Variants in ANK1 observed in about 807,000 individuals in gnomAD.
ANK1 encodes ankyrin 1, also known as ankyrin-1.
Under a neutral mutation model 210.4 loss-of-function variants are expected in ANK1, and 51 were observed. The ratio of observed to expected loss-of-function variants is 0.24; its 90% CI spans 0.19 to 0.31. The LOEUF (loss-of-function observed/expected upper bound fraction) is 0.31, where lower values mean the gene tolerates loss of function less well. Ranked by LOEUF, ANK1 falls within the 10% of genes least tolerant of loss-of-function variation. ANK1 has a pLI of 1.00. For missense variants in ANK1, 2,051 were observed against 2,504.4 expected, an observed-to-expected ratio of 0.82 and a Z score of 3.86; for synonymous variants, 967 against 1,025.9, an observed-to-expected ratio of 0.94 and a Z score of 1.10.
chr8:41,817,626 G>C (rs1302756549), intron 1 of ANK1, among the ~76,000 whole-genome samples: 1 of 152,184 alleles, frequency 6.6e-6, no homozygotes, highest in Non-Finnish European at 1.5e-5. Flanking sequence ...TCTAGAGTTA[G>C]AGCTATTTGT....
Position 41,668,479 on chromosome 8 carries a change from C to T in ANK1, c.5182G>A (p.Gly1728Ser), listed in dbSNP as rs1380169648. 1.2e-6 allele frequency: 2 copies of T among 1,614,218 alleles called. No individual in the cohort carries two copies. The highest frequency in any genetic ancestry group is 1.7e-5 in the Admixed American group (1 of 60,032). The change falls in exon 39 of 43, where the codon GGT (glycine) becomes AGT (serine). Residue 1728 changes from glycine to serine, a missense_variant. Transcript: ENST00000289734. ...CTTGTTCCCTGGAATGAGTGTGGACCTTGCGTGACCTCCTCTTGCCAGGAA... is the reference window on the plus strand; with the variant it reads ...CTTGTTCCCTGGAATGAGTGTGGACTTTGCGTGACCTCCTCTTGCCAGGAA... ...QGSWQEEVTQ[G>S]PHSFQGTSTM...
In ANK1 at chr8:41,792,254, G is replaced by A. The variant is rs79902129; in HGVS notation, c.27+5258C>T. Among the ~76,000 whole-genome samples, 153 of 152,328 alleles carry A rather than the reference G, an allele frequency of 1.0e-3. 2 individuals are homozygous for A. The East Asian group carries it at 0.028, about 28-fold the overall frequency. ...TAATTGGTTGTCACTGCCTGTCGGA[G>A]AATGATGACAAACGCCACACTTGCC... On this transcript the variant is annotated intron_variant, in intron 1 of 42. Transcript: ENST00000289734.
chr8:41,714,989 T>C lies in ANK1; in HGVS notation c.1688A>G (p.Asn563Ser), dbSNP rs1827218783. The change falls in exon 15 of 43, where the codon AAT becomes AGT. Residue 563 changes from asparagine (N) to serine (S), a missense_variant. Physicochemically the swap from Asn to Ser is conservative, Grantham distance 46. Around this residue, in one of 6 missense-constraint regions of ANK1, gnomAD observed 1,413 missense variants for 1,707.4 expected, o/e 0.83. Transcript: ENST00000289734. ...ELLLERDAHP[N>S]AAGKNGLTPL... Reference sequence around the variant, plus strand: ...GTTCAAACTCACTTTTCCGGCAGCATTCGGGTGTGCGTCCCGCTCCAGCAG... The same window carrying C: ...GTTCAAACTCACTTTTCCGGCAGCACTCGGGTGTGCGTCCCGCTCCAGCAG... The C allele has an allele frequency of 6.2e-7, 1 of 1,614,170 alleles. No individual in the cohort carries two copies. The highest frequency in any genetic ancestry group is 8.5e-7 in the Non-Finnish European group (1 of 1,180,012).
chr8:41,889,401 A>C (rs1363626279), intron 1 of ANK1, among the ~76,000 whole-genome samples: 2 of 152,230 alleles, frequency 1.3e-5, no homozygotes, highest in African/African-American at 4.8e-5. Flanking sequence ...TAAAGAAAGA[A>C]GTTTTTTTGC....
At chr8:41,790,810 G>A (rs567474830) in intron 1 of ANK1, among the ~76,000 whole-genome samples, 8 of 152,198 alleles carry the variant, frequency 5.3e-5, no homozygotes, top group Non-Finnish European at 8.8e-5. Context: ...CAAAGACTAC[G>A]AAGACATTCT....
intron 1 of ANK1, among the ~76,000 whole-genome samples, chr8:41,831,855 A>G (rs1806723583): frequency 6.6e-6 from 1 of 152,196 alleles, no homozygotes; most frequent in South Asian, 2.1e-4. Context: ...AGTGCTACTA[A>G]GGAGCGAATA....
chr8:41,668,889 C>T (rs1811393879), intron 38 of ANK1, among the ~76,000 whole-genome samples: 1 of 152,178 alleles, frequency 6.6e-6, no homozygotes, highest in South Asian at 2.1e-4. Context: ...GGGGCCTCCA[C>T]ACTCTCATCC....
chr8:41,850,218 C>T (rs190864674), intron 1 of ANK1, among the ~76,000 whole-genome samples: 117 of 152,254 alleles, frequency 7.7e-4, no homozygotes, highest in Admixed American at 2.0e-3. Context: ...ACAGTGCAGC[C>T]GTCGTTTAGC....
intron 1 of ANK1, among the ~76,000 whole-genome samples, chr8:41,835,159 G>T (rs1345472529): frequency 6.6e-6 from 1 of 152,240 alleles, no homozygotes; most frequent in African/African-American, 2.4e-5. Flanking sequence ...CTTAGCAGAA[G>T]TTAGCAGGTG....
intron 1 of ANK1, among the ~76,000 whole-genome samples, chr8:41,862,749 C>T (rs2150819220): frequency 6.6e-6 from 1 of 151,790 alleles, no homozygotes; most frequent in South Asian, 2.1e-4. Flanking sequence ...GTGGCTCACA[C>T]CTGTAATCCC....
intron 1 of ANK1, among the ~76,000 whole-genome samples, chr8:41,868,649 C>T (rs1048299528): frequency 6.6e-6 from 1 of 152,206 alleles, no homozygotes. Flanking sequence ...TGGTAGGAAT[C>T]TTAAATCATG....
intron 1 of ANK1, among the ~76,000 whole-genome samples, chr8:41,815,602 A>C (rs569916315): frequency 6.6e-6 from 1 of 152,242 alleles, no homozygotes; most frequent in Non-Finnish European, 1.5e-5. Flanking sequence ...TACAAAAAAA[A>C]CCTCATACCT....
intron 37 of ANK1, among the ~76,000 whole-genome samples, chr8:41,682,080 T>G (rs1165968578): frequency 6.6e-6 from 1 of 152,218 alleles, no homozygotes; most frequent in Non-Finnish European, 1.5e-5. Context: ...CTCTGATGGC[T>G]TTCCAGCTTA....
chr8:41,800,135 T>C (rs1849634642), upstream of ANK1, among the ~76,000 whole-genome samples: 1 of 152,202 alleles, frequency 6.6e-6, no homozygotes, highest in Non-Finnish European at 1.5e-5. Context: ...TCCCGGATTA[T>C]GAGAACACCT....
At chr8:41,753,888 T>C (rs1838410468) in intron 2 of ANK1, among the ~76,000 whole-genome samples, 1 of 152,196 alleles carries the variant, frequency 6.6e-6, no homozygotes, top group Admixed American at 6.5e-5. Flanking sequence ...TCTCTGCCTC[T>C]GGGGCTTTGC....
chr8:41,761,627 C>A (rs535908469), intron 1 of ANK1, among the ~76,000 whole-genome samples: 151 of 152,252 alleles, frequency 9.9e-4, no homozygotes, highest in African/African-American at 3.1e-3. Flanking sequence ...AAGTGTGTGG[C>A]GATTTGTTAC....
chr8:41,699,609 A>C, intron 22 of ANK1, 61 bp from the exon 23 acceptor site: 1 of 1,521,498 alleles, frequency 6.6e-7, no homozygotes, highest in Admixed American at 1.7e-5. Context: ...CTCTTTTTTT[A>C]AAAAAGCTCT....
Position 41,723,650 on chromosome 8 carries a change from G to A in ANK1, c.712-17C>T, listed in dbSNP as rs755847971. On this transcript the variant is annotated splice_polypyrimidine_tract_variant and intron_variant, in intron 7 of 42. Coordinates refer to ENST00000289734, the MANE Select transcript of ANK1 (RefSeq NM_000037.4). The stretch of plus-strand genomic sequence containing the variant: ...GATGCCGTTCTGAAGGGAGGAAGCA[G>A]GACGGTCAGGGCGCGTCATCCTTCC... 1 of 1,609,486 alleles carries A rather than the reference G, an allele frequency of 6.2e-7. No individual in the cohort carries two copies.
chr8:41,883,864 A>G (rs1818006128), intron 1 of ANK1, among the ~76,000 whole-genome samples: 1 of 152,214 alleles, frequency 6.6e-6, no homozygotes. Flanking sequence ...ACTGGAACTA[A>G]GCACAGCTCT....
Sources: allele counts gnomAD v4.1 joint callset (sites outside exome capture counted in the v4.1 genomes callset), GRCh38; gene constraint gnomAD v4.1.1; regional missense constraint gnomAD v4.1.1; transcripts MANE v1.5; gene names NCBI Gene and HGNC (gene_info 2026-07-23, HGNC 2026-07-21).